The following NR0B2 variants were observed in gnomAD, a reference collection of about 807,000 sequenced individuals.
NR0B2 encodes the protein nuclear receptor SHP.
A neutral mutation model predicts 18.9 loss-of-function variants in NR0B2; 17 were observed. The observed-to-expected ratio is 0.90, with a 90% CI of 0.62 to 1.35. NR0B2 has a LOEUF of 1.35. Ranked by LOEUF, NR0B2 falls within the 40% of genes most tolerant of loss-of-function variation. The pLI, the probability that NR0B2 is intolerant of heterozygous loss-of-function variation, is 0.00. For missense variants in NR0B2, 312 were observed against 333.3 expected (o/e 0.94, Z 0.50); for synonymous variants, 116 against 138.5 (o/e 0.84, Z 1.14).
chr1:26,911,596 G>A lies in NR0B2; in HGVS notation c.*249C>T. On this transcript the variant is annotated 3_prime_UTR_variant, in exon 2 of 2. Coordinates refer to ENST00000254227, the MANE Select transcript of NR0B2 (RefSeq NM_021969.3). ...GCCTAAGCTTTCATTCTCATCCCAA[G>A]AAGGGACAGGAGTCTTGGCCCAGAG... 1 of 535,286 alleles carries A rather than the reference G, an allele frequency of 1.9e-6. No homozygotes were observed. The highest frequency in any genetic ancestry group is 2.0e-5 in the South Asian group (1 of 49,714). 33.2% of individuals were successfully genotyped at this position (535,286 alleles called of 1,614,324 possible).
intron 1 of NR0B2, among the ~76,000 whole-genome samples, chr1:26,912,747 C>G (rs1297245584): frequency 6.6e-6 from 1 of 152,152 alleles, no homozygotes; most frequent in Non-Finnish European, 1.5e-5. Context: ...AGTTTTAGCT[C>G]TAGAGCTTCA....
chr1:26,911,941 G>A lies in NR0B2; in HGVS notation c.678C>T (p.Ser226=), dbSNP rs902095341. Residue 226 remains serine, a synonymous_variant, in exon 2 of 2, where the codon TCC becomes TCT. Transcript: ENST00000254227. The stretch of plus-strand genomic sequence containing the variant: ...GGTCCCCAAGCAGGCTGGTCGGAAT[G>A]GACTTGAGGGTGGAGGCCGTGAGGA... ...RVLLTASTLK[S]IPTSLLGDLF... is the part of the protein sequence containing the mutation. 3.7e-6 allele frequency: 6 copies of A among 1,614,132 alleles called. No individual in the cohort carries two copies. In the African/African-American group the frequency reaches 6.7e-5, roughly 18 times the overall value.
chr1:26,911,904 G>A lies in NR0B2; in HGVS notation c.715C>T (p.Pro239Ser). 6.2e-7 allele frequency: 1 copy of A among 1,614,090 alleles called. No individual in the cohort carries two copies. The highest frequency in any genetic ancestry group is 8.5e-7 in the Non-Finnish European group (1 of 1,179,928). Reference protein sequence around the residue: ...TSLLGDLFFRPIIGDVDIAGL... With the variant: ...TSLLGDLFFRSIIGDVDIAGL... ...GCGATGTCAACATCTCCAATGATAG[G>A]GCGAAAGAAGAGGTCCCCAAGCAGG... Residue 239 changes from proline to serine, a missense_variant, in exon 2 of 2, where the codon CCT becomes TCT. Coordinates refer to ENST00000254227, the MANE Select transcript of NR0B2 (RefSeq NM_021969.3).
intron 1 of NR0B2, 112 bp from the exon 2 acceptor site, chr1:26,912,198 C>T (rs41303641): frequency 0.064 from 88,486 of 1,376,614 alleles, 3,218 homozygotes; most frequent in Non-Finnish European, 0.073. Flanking sequence ...CTCCTTTGCT[C>T]GGCCTTTGAG....
chr1:26,913,886 C>A lies in NR0B2; in HGVS notation c.55G>T (p.Ala19Ser), dbSNP rs746657025. 2.0e-6 allele frequency: 3 copies of A among 1,487,268 alleles called. No individual in the cohort carries two copies. Among genetic ancestry groups the A allele is most frequent in the Non-Finnish European group, 1.8e-6 (2 of 1,116,650 alleles). The allele number at this position is 1,487,268 out of a possible 1,614,324, so 92.1% of individuals were successfully genotyped here. A position where few individuals can be genotyped will look rare whatever the true frequency, so the allele number is the denominator to read the frequency against. The change falls in exon 1 of 2, where the codon GCC (alanine) becomes TCC (serine). Residue 19 changes from alanine (A) to serine (S), a missense_variant. Transcript: ENST00000254227. ...GAGCTCAGAAGTGCGTAGAGAATGGCGGGGCGGCTTGCAGCTCCCTGGCAT... is the reference window on the plus strand; with the variant it reads ...GAGCTCAGAAGTGCGTAGAGAATGGAGGGGCGGCTTGCAGCTCCCTGGCAT... Reference protein sequence around the residue: ...CPCQGAASRPAILYALLSSSL... With the variant: ...CPCQGAASRPSILYALLSSSL...
At position 26,913,725 on chromosome 1, in the gene NR0B2, G is replaced by T. The variant is rs373659183; in HGVS notation, c.216C>A (p.Asn72Lys). 3 of 1,606,702 alleles carry T rather than the reference G, an allele frequency of 1.9e-6. No homozygotes were observed. In the African/African-American group the frequency reaches 4.0e-5, roughly 21 times the overall value. Residue 72 changes from asparagine (N) to lysine (K), a missense_variant, in exon 1 of 2, where the codon AAC becomes AAA. Physicochemically the swap from Asn to Lys is moderately conservative, Grantham distance 94. Transcript: ENST00000254227. Reference sequence around the variant, plus strand: ...GAGGCAGCTGCCAGAAGGATGGCAGGTTCCTGAGGAAGGCCACTGTCTTGG... The same window carrying T: ...GAGGCAGCTGCCAGAAGGATGGCAGTTTCCTGAGGAAGGCCACTGTCTTGG... The part of the protein sequence containing the change: ...VLAKTVAFLR[N>K]LPSFWQLPPQ...
rs747144048 is a variant in NR0B2 at position 26,913,690 on chromosome 1, T to C, written c.251A>G (p.Gln84Arg). ...PSFWQLPPQDQRRLLQGCWGP... is the reference protein window; with the variant it reads ...PSFWQLPPQDRRRLLQGCWGP... The stretch of plus-strand genomic sequence containing the variant: ...CCAGCAACCCTGCAGCAGCCGCCGC[T>C]GGTCCTGGGGAGGCAGCTGCCAGAA... The change falls in exon 1 of 2, where the codon CAG becomes CGG. Residue 84 changes from glutamine to arginine, a missense_variant. Transcript: ENST00000254227. 11 of 1,612,632 alleles carry C rather than the reference T, an allele frequency of 6.8e-6. No individual in the cohort carries two copies. Among genetic ancestry groups the C allele is most frequent in the Non-Finnish European group, 2.5e-6 (3 of 1,179,142 alleles).
chr1:26,913,409 C>T lies in NR0B2; in HGVS notation c.532G>A (p.Asp178Asn), dbSNP rs201991593. 146 of 1,614,034 alleles carry T rather than the reference C, an allele frequency of 9.0e-5. No individual in the cohort carries two copies. Among genetic ancestry groups the T allele is most frequent in the South Asian group, 4.0e-4 (36 of 91,068 alleles). The change falls in exon 1 of 2, where the codon GAT becomes AAT. Residue 178 changes from aspartate (D) to asparagine (N), a missense_variant and splice_region_variant. Coordinates refer to ENST00000254227, the MANE Select transcript of NR0B2 (RefSeq NM_021969.3). ...CLKGTILFNPDVPGLQAASHI... is the reference protein window; with the variant it reads ...CLKGTILFNPNVPGLQAASHI... ...CACCCAGGAGTGTCTGGGAGCTCAC[C>T]GGGGTTGAAGAGGATGGTCCCTTTC...
rs1205656624 is a variant in NR0B2 at position 26,913,848 on chromosome 1, A to G, written c.93T>C (p.Ala31=). 3 of 1,508,648 alleles carry G rather than the reference A, an allele frequency of 2.0e-6. No individual in the cohort carries two copies. The highest frequency in any genetic ancestry group is 2.7e-6 in the Non-Finnish European group (3 of 1,127,780). 93.5% of individuals were successfully genotyped at this position (1,508,648 alleles called of 1,614,324 possible). A position where few individuals can be genotyped will look rare whatever the true frequency, so the allele number is the denominator to read the frequency against. ...LYALLSSSLK[A]VPRPRSRCLC... is the part of the protein sequence containing the mutation. ...GGCAGCGGCTACGGGGTCGGGGGAC[A>G]GCCTTGAGGCTGGAGCTCAGAAGTG... The change falls in exon 1 of 2, where the codon GCT becomes GCC. Residue 31 remains alanine, a synonymous_variant. Transcript: ENST00000254227.
chr1:26,912,167 C>A, intron 1 of NR0B2, 81 bp from the exon 2 acceptor site: 2 of 1,555,500 alleles, frequency 1.3e-6, no homozygotes, highest in Non-Finnish European at 1.8e-6. Context: ...AAGATCTGGG[C>A]CATCAGAGAC....
At position 26,913,544 on chromosome 1, in the gene NR0B2, C is replaced by G. The variant is rs2082041265; in HGVS notation, c.397G>C (p.Gly133Arg). The change falls in exon 1 of 2, where the codon GGC (glycine) becomes CGC (arginine). Residue 133 changes from glycine (G) to arginine (R), a missense_variant. Gly to Arg is a moderately radical substitution (Grantham distance 125). Coordinates refer to ENST00000254227, the MANE Select transcript of NR0B2 (RefSeq NM_021969.3). ...GGCTGGGGTCTGTCTGGCAGTTGGC[C>G]ACTGCCTCCACTGCTGCTGGGCTCC... ...LEEPSSSGGS[G>R]QLPDRPQPSL... 6.2e-7 allele frequency: 1 copy of G among 1,613,812 alleles called. No individual in the cohort carries two copies. The highest frequency in any genetic ancestry group is 8.5e-7 in the Non-Finnish European group (1 of 1,179,888).
Position 26,913,818 on chromosome 1 carries a change from A to G in NR0B2, c.123T>C (p.Cys41=). 2 of 1,513,964 alleles carry G rather than the reference A, an allele frequency of 1.3e-6. No homozygotes were observed. Among genetic ancestry groups the G allele is most frequent in the Non-Finnish European group, 1.8e-6 (2 of 1,130,228 alleles). The allele number at this position is 1,513,964 out of a possible 1,614,324, so 93.8% of individuals were successfully genotyped here. A position where few individuals can be genotyped will look rare whatever the true frequency, so the allele number is the denominator to read the frequency against. Residue 41 remains cysteine (C), a synonymous_variant, in exon 1 of 2, where the codon TGT becomes TGC. Coordinates refer to ENST00000254227, the MANE Select transcript of NR0B2 (RefSeq NM_021969.3). ...ATAGCTGGACGGGCCGGTGCTGCCT[A>G]CATAGGCAGCGGCTACGGGGTCGGG... ...AVPRPRSRCL[C]RQHRPVQLCA... is the part of the protein sequence containing the mutation.
Position 26,911,859 on chromosome 1 carries a change from G to A in NR0B2, c.760C>T (p.Leu254Phe). The A allele has an allele frequency of 6.2e-7, 1 of 1,614,204 alleles. No individual in the cohort carries two copies. The highest frequency in any genetic ancestry group is 8.5e-7 in the Non-Finnish European group (1 of 1,180,020). The part of the protein sequence containing the change: ...VDIAGLLGDM[L>F]LLR Reference sequence around the variant, plus strand: ...GCTGGAACAGGTCACCTGAGCAAAAGCATGTCCCCAAGAAGGCCAGCGATG... The same window carrying A: ...GCTGGAACAGGTCACCTGAGCAAAAACATGTCCCCAAGAAGGCCAGCGATG... The change falls in exon 2 of 2, where the codon CTT becomes TTT. Residue 254 changes from leucine to phenylalanine, a missense_variant. By Grantham distance (22) the Leu-to-Phe change is conservative. Transcript: ENST00000254227.
In NR0B2 at chr1:26,913,757, C is replaced by T. The variant is rs775034090; in HGVS notation, c.184G>A (p.Val62Ile). ...PHRTCREALD[V>I]LAKTVAFLRN... Reference sequence around the variant, plus strand: ...AGGAAGGCCACTGTCTTGGCCAGAACATCCAAGGCCTCCCGGCAGGTGCGA... The same window carrying T: ...AGGAAGGCCACTGTCTTGGCCAGAATATCCAAGGCCTCCCGGCAGGTGCGA... The change falls in exon 1 of 2, where the codon GTT (valine) becomes ATT (isoleucine). Residue 62 changes from valine to isoleucine, a missense_variant. Physicochemically the swap from Val to Ile is conservative, Grantham distance 29 (BLOSUM62 3). Transcript: ENST00000254227. 6 of 1,580,286 alleles carry T rather than the reference C, an allele frequency of 3.8e-6. No homozygotes were observed. The East Asian group carries it at 6.8e-5, about 18-fold the overall frequency.
Position 26,911,990 on chromosome 1 carries a change from G to A in NR0B2, c.629C>T (p.Ala210Val), listed in dbSNP as rs764273513. The part of the protein sequence containing the change: ...CEVLEPWCPA[A>V]QGRLTRVLLT... ...GAGGACACGGGTCAGGCGGCCTTGG[G>A]CTGCTGGGCACCAGGGTTCCAGGAC... is the stretch of plus-strand genomic sequence containing the variant. Residue 210 changes from alanine (A) to valine (V), a missense_variant, in exon 2 of 2, where the codon GCC becomes GTC. Physicochemically the swap from Ala to Val is moderately conservative, Grantham distance 64. Coordinates refer to ENST00000254227, the MANE Select transcript of NR0B2 (RefSeq NM_021969.3). 1.9e-5 allele frequency: 30 copies of A among 1,614,120 alleles called. No individual in the cohort carries two copies. The African/African-American group carries it at 3.2e-4, about 17-fold the overall frequency.
rs375202977 is a variant in NR0B2 at position 26,912,145 on chromosome 1, C to G, written c.533-59G>C. The G allele has an allele frequency of 1.3e-4, 214 of 1,602,628 alleles. No homozygotes were observed. In the African/African-American group the frequency reaches 2.7e-3, roughly 20 times the overall value. On this transcript the variant is annotated intron_variant, in intron 1 of 1. Transcript: ENST00000254227. Reference sequence around the variant, plus strand: ...CACCCTACTCCCAGCCACCAAAGGACAAGACTGGCCCAAGATCTGGGCCAT... The same window carrying G: ...CACCCTACTCCCAGCCACCAAAGGAGAAGACTGGCCCAAGATCTGGGCCAT...
chr1:26,911,964 G>A lies in NR0B2; in HGVS notation c.655C>T (p.Leu219Phe). 6.2e-7 allele frequency: 1 copy of A among 1,614,250 alleles called. No homozygotes were observed. ...ATGGACTTGAGGGTGGAGGCCGTGA[G>A]GAGGACACGGGTCAGGCGGCCTTGG... ...AAQGRLTRVL[L>F]TASTLKSIPT... Residue 219 changes from leucine to phenylalanine, a missense_variant, in exon 2 of 2, where the codon CTC becomes TTC. By Grantham distance (22) the Leu-to-Phe change is conservative. Transcript: ENST00000254227.
At chr1:26,912,228 CTTTAGAGGAGGTAA>C (rs1377333843) in intron 1 of NR0B2, 142 bp from the exon 2 acceptor site, 2 of 830,800 alleles carry the variant, frequency 2.4e-6, no homozygotes, top group African/African-American at 3.5e-5. Flanking sequence ...CTACCTCCTC[CTTTAGAGGAGGTAA>C]TTTATTTATC....
Position 26,913,958 on chromosome 1 carries a change from C to T in NR0B2, c.-18G>A. On this transcript the variant is annotated 5_prime_UTR_variant, in exon 1 of 2. Transcript: ENST00000254227. Reference sequence around the variant, plus strand: ...GTGCTCATGGTTAGGGATCTGCTCTCACTTCCAGCTCTCTGGCTCTGTGTT... The same window carrying T: ...GTGCTCATGGTTAGGGATCTGCTCTTACTTCCAGCTCTCTGGCTCTGTGTT... 6.9e-7 allele frequency: 1 copy of T among 1,448,332 alleles called. No individual in the cohort carries two copies. Among genetic ancestry groups the T allele is most frequent in the Non-Finnish European group, 9.1e-7 (1 of 1,096,504 alleles). The allele number at this position is 1,448,332 out of a possible 1,614,324, so 89.7% of individuals were successfully genotyped here.
Sources: allele counts gnomAD v4.1 joint callset (sites outside exome capture counted in the v4.1 genomes callset), GRCh38; gene constraint gnomAD v4.1.1; transcripts MANE v1.5; gene names NCBI Gene and HGNC (gene_info 2026-07-23, HGNC 2026-07-21).